PTH2R: variants seen among roughly 807,000 people sequenced by gnomAD.
PTH2R encodes the protein parathyroid hormone 2 receptor, also known as PTH2 receptor.
In PTH2R, 59 loss-of-function variants were observed where a neutral mutation model predicts 60.3. The ratio of observed to expected loss-of-function variants is 0.98; its 90% confidence interval spans 0.79 to 1.22. The LOEUF is 1.22. Ranked by LOEUF, PTH2R falls within the 50% of genes most tolerant of loss-of-function variation. The probability of loss-of-function intolerance (pLI) is 0.00; values close to 1 mark genes in which losing one functional copy is unlikely to be tolerated. For synonymous variants in PTH2R, 256 were observed against 243.8 expected, an observed-to-expected ratio of 1.05 and a Z score of -0.47; for missense variants, 749 against 682.6, an observed-to-expected ratio of 1.10 and a Z score of -1.08.
At chr2:208,433,305 T>C (rs1370369) in intron 2 of PTH2R, among the ~76,000 whole-genome samples, 1 of 152,134 alleles carries the variant, frequency 6.6e-6, no homozygotes, top group Non-Finnish European at 1.5e-5. Flanking sequence ...GTGGTCAAAC[T>C]TTGGTTTACC....
chr2:208,452,097 T>C (rs1702417657), intron 8 of PTH2R, among the ~76,000 whole-genome samples: 1 of 152,176 alleles, frequency 6.6e-6, no homozygotes, highest in Admixed American at 6.5e-5. Flanking sequence ...ACACTTAGCA[T>C]AGTACCTGGC....
intron 4 of PTH2R, among the ~76,000 whole-genome samples, chr2:208,439,360 C>A (rs139722923): frequency 6.6e-6 from 1 of 151,936 alleles, no homozygotes; most frequent in African/African-American, 2.4e-5. Context: ...AAAATGTTTT[C>A]TATTGTTTGC....
intron 9 of PTH2R, among the ~76,000 whole-genome samples, chr2:208,480,476 C>G (rs545054858): frequency 6.6e-6 from 1 of 152,206 alleles, no homozygotes; most frequent in South Asian, 2.1e-4. Context: ...TTCAACACTC[C>G]CCTCCCTCCC....
chr2:208,367,141 T>A (rs1178384590), intron 1 of PTH2R, among the ~76,000 whole-genome samples: 1 of 152,110 alleles, frequency 6.6e-6, no homozygotes, highest in African/African-American at 2.4e-5. Context: ...TTGCCCAAGT[T>A]GGAGTGCAAT....
intron 10 of PTH2R, among the ~76,000 whole-genome samples, chr2:208,488,532 G>T (rs1703324522): frequency 1.3e-5 from 2 of 152,236 alleles, no homozygotes; most frequent in South Asian, 2.1e-4. Flanking sequence ...AAGAGGAGTG[G>T]AAATAAGACT....
intron 5 of PTH2R, 41 bp downstream of exon 5, chr2:208,442,502 G>T (rs756366220): frequency 5.3e-5 from 76 of 1,437,838 alleles, no homozygotes; most frequent in Middle Eastern, 3.5e-4. Context: ...GGGGCACATT[G>T]TCTTTCCTAT....
At position 208,437,569 on chromosome 2, in the gene PTH2R, A is replaced by G. The variant is rs1388982025; in HGVS notation, c.211A>G (p.Ile71Val). 4 of 1,612,842 alleles carry G rather than the reference A, an allele frequency of 2.5e-6. No homozygotes were observed. The African/African-American group carries it at 5.3e-5, about 22-fold the overall frequency. ...TTGTTTCCCTGAATGGGATGGACTCATTTGTTGGCCCAGAGGAACAGTGGG... is the reference window on the plus strand; with the variant it reads ...TTGTTTCCCTGAATGGGATGGACTCGTTTGTTGGCCCAGAGGAACAGTGGG... ...GNCFPEWDGL[I>V]CWPRGTVGKI... Residue 71 changes from isoleucine (I) to valine (V), a missense_variant, in exon 3 of 13, where the codon ATT (isoleucine) becomes GTT (valine). Physicochemically the swap from Ile to Val is conservative, Grantham distance 29 (BLOSUM62 3). Coordinates refer to ENST00000272847, the MANE Select transcript of PTH2R (RefSeq NM_005048.4).
chr2:208,377,465 C>T (rs1325231058), intron 1 of PTH2R, among the ~76,000 whole-genome samples: 2 of 146,970 alleles, frequency 1.4e-5, no homozygotes, highest in African/African-American at 5.0e-5. Flanking sequence ...GAGGTGCCCC[C>T]CACCTCCCGG....
chr2:208,444,517 GA>G (rs1559222275), intron 6 of PTH2R, among the ~76,000 whole-genome samples: 2 of 152,026 alleles, frequency 1.3e-5, no homozygotes, highest in African/African-American at 2.4e-5. Flanking sequence ...ACTTCTTAAA[GA>G]AAAAACTTAT....
At chr2:208,399,752 G>A (rs1028401233) in intron 1 of PTH2R, among the ~76,000 whole-genome samples, 28 of 152,128 alleles carry the variant, frequency 1.8e-4, no homozygotes, top group Admixed American at 5.9e-4. Flanking sequence ...TCATAACCAT[G>A]AGACAACATC....
At chr2:208,392,094 C>T (rs1009461676) in intron 1 of PTH2R, among the ~76,000 whole-genome samples, 3 of 152,256 alleles carry the variant, frequency 2.0e-5, no homozygotes, top group South Asian at 2.1e-4. Flanking sequence ...TATTGAGAGT[C>T]GGGATGTAAC....
At chr2:208,390,897 C>T (rs951170372) in intron 1 of PTH2R, among the ~76,000 whole-genome samples, 2 of 152,294 alleles carry the variant, frequency 1.3e-5, no homozygotes, top group East Asian at 1.9e-4. Context: ...AGTTACTTAT[C>T]TTTTGTGATT....
At chr2:208,379,648 TCA>T (rs1700874668) in intron 1 of PTH2R, among the ~76,000 whole-genome samples, 1 of 151,842 alleles carries the variant, frequency 6.6e-6, no homozygotes, top group Admixed American at 6.6e-5. Context: ...TCACTTGAGG[TCA>T]GGAGTTTGAG....
chr2:208,488,491 T>G (rs2105911167), intron 10 of PTH2R, among the ~76,000 whole-genome samples: 1 of 152,306 alleles, frequency 6.6e-6, no homozygotes, highest in Admixed American at 6.5e-5. Flanking sequence ...AAAGGCATTT[T>G]ACAACTTTAT....
intron 1 of PTH2R, among the ~76,000 whole-genome samples, chr2:208,415,341 AAAATT>A (rs1701618479): frequency 6.6e-6 from 1 of 152,212 alleles, no homozygotes; most frequent in South Asian, 2.1e-4. Flanking sequence ...AAGATTAAAT[AAAATT>A]AAAATTTCAG....
At chr2:208,424,115 CCAG>C (rs1701809988) in intron 1 of PTH2R, among the ~76,000 whole-genome samples, 1 of 152,138 alleles carries the variant, frequency 6.6e-6, no homozygotes, top group Admixed American at 6.5e-5. Flanking sequence ...GACCCCCGCT[CCAG>C]CAGAGGAGTA....
chr2:208,402,553 T>A (rs1447363488), upstream of PTH2R, among the ~76,000 whole-genome samples: 1 of 152,198 alleles, frequency 6.6e-6, no homozygotes, highest in Non-Finnish European at 1.5e-5. Context: ...TTTTAAGTGA[T>A]AAAGAAACAA....
chr2:208,391,287 A>G (rs1340146937), intron 1 of PTH2R, among the ~76,000 whole-genome samples: 2 of 152,246 alleles, frequency 1.3e-5, no homozygotes, highest in African/African-American at 4.8e-5. Context: ...GCATCTTAAA[A>G]GGGCTAAGAC....
intron 2 of PTH2R, among the ~76,000 whole-genome samples, chr2:208,431,863 C>T (rs1701979155): frequency 6.6e-6 from 1 of 152,186 alleles, no homozygotes; most frequent in East Asian, 1.9e-4. Context: ...GAGCTTGCTG[C>T]TCCTATATTT....
Sources: gnomAD v4.1 joint callset for allele counts (sites outside exome capture counted in the v4.1 genomes callset) on GRCh38, gnomAD v4.1.1 for gene constraint, MANE v1.5 for transcripts, NCBI Gene and HGNC (gene_info 2026-07-23, HGNC 2026-07-21) for gene names.